Variants in ADAM28 observed in about 807,000 individuals in gnomAD.
The protein encoded by ADAM28 is disintegrin and metalloproteinase domain-containing protein 28.
ADAM28 carries 105 observed loss-of-function variants against 101.2 expected under a neutral mutation model. That is an observed-to-expected ratio of 1.04 (90% CI 0.89 to 1.22). The LOEUF (loss-of-function observed/expected upper bound fraction) is 1.22, where lower values mean the gene tolerates loss of function less well. Among genes scored for constraint, ADAM28 ranks in the 50% most tolerant of loss-of-function variants. ADAM28 has a pLI of 0.00. For synonymous variants in ADAM28, 322 were observed against 310.6 expected, an observed-to-expected ratio of 1.04 and a Z score of -0.39; for missense variants, 1,028 against 945.4, an observed-to-expected ratio of 1.09 and a Z score of -1.15.
chr8:24,318,624 C>T (rs1319237971), intron 6 of ADAM28, among the ~76,000 whole-genome samples: 1 of 151,984 alleles, frequency 6.6e-6, no homozygotes, highest in Admixed American at 6.6e-5. Context: ...AAACCACAAA[C>T]AAAACCTACT....
rs144904439 is a variant in ADAM28, at chr8:24,350,949, A to G, written c.2100-283A>G. 2.6e-4 allele frequency among the ~76,000 whole-genome samples: 40 copies of G among 151,854 alleles called. No homozygotes were observed. The East Asian group carries it at 5.2e-3, about 20-fold the overall frequency. On this transcript the variant is annotated intron_variant, in intron 19 of 22. Transcript: ENST00000265769. Reference sequence around the variant, plus strand: ...TGAGTTTTTTAATATTGAGTAAGACATTAATAAAACAACATAATTTAGATA... The same window carrying G: ...TGAGTTTTTTAATATTGAGTAAGACGTTAATAAAACAACATAATTTAGATA...
chr8:24,301,641 C>A (rs946261928), intron 2 of ADAM28, among the ~76,000 whole-genome samples: 1 of 152,132 alleles, frequency 6.6e-6, no homozygotes, highest in Non-Finnish European at 1.5e-5. Flanking sequence ...CGTTTTCTAG[C>A]TAGGATTCAA....
chr8:24,354,492 A>C lies in ADAM28; in HGVS notation c.*88A>C. The C allele has an allele frequency of 2.6e-4, 318 of 1,211,992 alleles. No homozygotes were observed. The highest frequency in any genetic ancestry group is 3.4e-4 in the Non-Finnish European group (296 of 859,230). The allele number at this position is 1,211,992 out of a possible 1,614,324, so 75.1% of individuals were successfully genotyped here. On this transcript the variant is annotated 3_prime_UTR_variant, in exon 23 of 23. Transcript: ENST00000265769. ...GGCAGAGAAATATACTATCTATCTC[A>C]CCAGTATTTGCTCTCGACTCAAGAA...
At chr8:24,301,394 T>C (rs1371100529) in intron 2 of ADAM28, among the ~76,000 whole-genome samples, 2 of 152,204 alleles carry the variant, frequency 1.3e-5, no homozygotes, top group Non-Finnish European at 2.9e-5. Context: ...GGTGACAAAG[T>C]AATCTGTACA....
At chr8:24,327,030 T>C (rs1812710966) in intron 10 of ADAM28, among the ~76,000 whole-genome samples, 2 of 152,084 alleles carry the variant, frequency 1.3e-5, no homozygotes, top group East Asian at 1.9e-4. Flanking sequence ...AACATAGTAT[T>C]GGAAGTTCTG....
intron 2 of ADAM28, among the ~76,000 whole-genome samples, chr8:24,300,407 T>A (rs540782771): frequency 2.6e-4 from 39 of 151,992 alleles, no homozygotes; most frequent in African/African-American, 9.4e-4. Context: ...AAAGAGTAAA[T>A]TTGTTTTTTG....
chr8:24,306,230 C>T (rs1809591047), intron 2 of ADAM28, among the ~76,000 whole-genome samples: 1 of 151,266 alleles, frequency 6.6e-6, no homozygotes, highest in Non-Finnish European at 1.5e-5. Context: ...GTAACACCAG[C>T]TTCTCAGGAG....
In ADAM28 at chr8:24,326,549, T is replaced by C; in HGVS notation, c.891-5T>C. On this transcript the variant is annotated splice_polypyrimidine_tract_variant and splice_region_variant and intron_variant, in intron 9 of 22. Transcript: ENST00000265769. ...TTGTTACATCAATTTATTCCTTTCT[T>C]GCAGAGCAACAGAACTTGCTGGAAC... 1.2e-6 allele frequency: 2 copies of C among 1,611,000 alleles called. No homozygotes were observed. Among genetic ancestry groups the C allele is most frequent in the Non-Finnish European group, 1.7e-6 (2 of 1,178,012 alleles).
intron 19 of ADAM28, among the ~76,000 whole-genome samples, chr8:24,350,432 GC>G (rs1368392738): frequency 2.0e-5 from 3 of 148,650 alleles, no homozygotes; most frequent in African/African-American, 7.8e-5. Flanking sequence ...TCCTACCTCA[GC>G]CCCGAGTATC....
Position 24,354,959 on chromosome 8 carries a change from A to G in ADAM28, c.*555A>G, listed in dbSNP as rs1471249202. On this transcript the variant is annotated 3_prime_UTR_variant, in exon 23 of 23. Coordinates refer to ENST00000265769, the MANE Select transcript of ADAM28 (RefSeq NM_014265.6). ...ACTAAGAATTTAAAAATGTTTTATC[A>G]TATATATTTGTATAATTAATTACTG... The G allele has an allele frequency of 6.6e-6, 1 of 152,556 alleles. No individual in the cohort carries two copies. Among genetic ancestry groups the G allele is most frequent in the African/African-American group, 2.4e-5 (1 of 41,446 alleles). 9.5% of individuals were successfully genotyped at this position (152,556 alleles called of 1,614,324 possible).
chr8:24,341,803 T>G (rs771157364), intron 16 of ADAM28, 46 bp downstream of exon 16: 58 of 1,611,370 alleles, frequency 3.6e-5, no homozygotes, highest in Non-Finnish European at 3.8e-5. Context: ...TTTTTTACTT[T>G]GGTGTGCTTT....
rs927298430 is a variant in ADAM28, at chr8:24,356,315, T to A, written c.*1911T>A. The A allele has an allele frequency of 3.9e-5, 6 of 152,146 alleles. No individual in the cohort carries two copies. Among genetic ancestry groups the A allele is most frequent in the African/African-American group, 1.4e-4 (6 of 41,434 alleles). 9.4% of individuals were successfully genotyped at this position (152,146 alleles called of 1,614,324 possible). A position where few individuals can be genotyped will look rare whatever the true frequency, so the allele number is the denominator to read the frequency against. On this transcript the variant is annotated 3_prime_UTR_variant, in exon 23 of 23. Coordinates refer to ENST00000265769, the MANE Select transcript of ADAM28 (RefSeq NM_014265.6). ...TTAAATATCTGTCCCCAGTAATAGA[T>A]TCACCTAATCCTTTTTTATACTGAT...
At chr8:24,326,304 A>G (rs1264017725) in intron 9 of ADAM28, among the ~76,000 whole-genome samples, 2 of 152,056 alleles carry the variant, frequency 1.3e-5, no homozygotes, top group African/African-American at 2.4e-5. Flanking sequence ...ACATCTCACA[A>G]TGAAAAGTGT....
intron 14 of ADAM28, among the ~76,000 whole-genome samples, chr8:24,336,437 G>C (rs1814067905): frequency 6.6e-6 from 1 of 151,518 alleles, no homozygotes; most frequent in Non-Finnish European, 1.5e-5. Context: ...CAAAAAATTA[G>C]CCGGGCGTGC....
chr8:24,320,215 A>T, intron 6 of ADAM28, 21 bp from the exon 7 acceptor site: 1 of 1,513,740 alleles, frequency 6.6e-7, no homozygotes, highest in Non-Finnish European at 9.1e-7. Context: ...TGTATCAGTA[A>T]TTCTACTCTT....
At chr8:24,313,277 G>A (rs926684403) in intron 5 of ADAM28, 111 bp from the exon 6 acceptor site, 4 of 1,003,798 alleles carry the variant, frequency 4.0e-6, no homozygotes, top group Non-Finnish European at 5.7e-6. Flanking sequence ...AGCTTAAATT[G>A]TTTTTGACAT....
chr8:24,314,360 G>C (rs1810879728), intron 6 of ADAM28, among the ~76,000 whole-genome samples: 1 of 152,118 alleles, frequency 6.6e-6, no homozygotes, highest in Admixed American at 6.6e-5. Flanking sequence ...CAGGAACTTA[G>C]AATATTATTT....
intron 6 of ADAM28, among the ~76,000 whole-genome samples, chr8:24,317,078 C>T (rs1053371783): frequency 4.0e-5 from 6 of 151,822 alleles, no homozygotes; most frequent in African/African-American, 1.5e-4. Flanking sequence ...ATGAATATCC[C>T]ATGCTCATGA....
intron 8 of ADAM28, 65 bp downstream of exon 8, chr8:24,321,354 A>T (rs1176124009): frequency 7.9e-7 from 1 of 1,260,542 alleles, no homozygotes; most frequent in Non-Finnish European, 1.2e-6. Context: ...GGGTTTTTCA[A>T]TGAACGCACA....
Sources: gnomAD v4.1 joint callset for allele counts (sites outside exome capture counted in the v4.1 genomes callset) on GRCh38, gnomAD v4.1.1 for gene constraint, MANE v1.5 for transcripts, NCBI Gene and HGNC (gene_info 2026-07-23, HGNC 2026-07-21) for gene names.